Variants in GSTA2 observed in about 807,000 individuals in gnomAD.
The protein encoded by GSTA2 is glutathione S-transferase A2.
Under a neutral mutation model 22.4 loss-of-function variants are expected in GSTA2, and 27 were observed. That is an observed-to-expected ratio of 1.21 (90% CI 0.89 to 1.67). The LOEUF is 1.67. GSTA2 is among the 40% of genes most tolerant of loss of function. The pLI, the probability that GSTA2 is intolerant of heterozygous loss-of-function variation, is 0.00. For synonymous variants in GSTA2, 121 were observed against 86.8 expected, an observed-to-expected ratio of 1.39 and a Z score of -2.19; for missense variants, 302 against 260.2, an observed-to-expected ratio of 1.16 and a Z score of -1.11.
intron 5 of GSTA2, among the ~76,000 whole-genome samples, chr6:52,752,415 A>C (rs931178473): frequency 7.2e-5 from 11 of 152,172 alleles, no homozygotes; most frequent in African/African-American, 2.4e-4. Flanking sequence ...CTGATCCCTG[A>C]AACACTGCAA....
intron 1 of GSTA2, among the ~76,000 whole-genome samples, chr6:52,759,257 T>C (rs73740544): frequency 0.018 from 2,723 of 152,334 alleles, 85 homozygotes; most frequent in African/African-American, 0.061. Flanking sequence ...AGACTGGGCT[T>C]ATCAGTGAAA....
At position 52,754,974 on chromosome 6, in the gene GSTA2, G is replaced by C. The variant is rs749749908; in HGVS notation, c.241C>G (p.Leu81Val). ...TTCTCCTTTATGTCTTTCCCATAGA[G>C]GTTGTATTTGCTGGCAATGTAGTTG... Reference protein sequence around the residue: ...ILNYIASKYNLYGKDIKEKAL... With the variant: ...ILNYIASKYNVYGKDIKEKAL... The change falls in exon 4 of 7, where the codon CTC becomes GTC. Residue 81 changes from leucine (L) to valine (V), a missense_variant. Physicochemically the swap from Leu to Val is conservative, Grantham distance 32. Coordinates refer to ENST00000493422, the MANE Select transcript of GSTA2 (RefSeq NM_000846.5). 3 of 1,614,048 alleles carry C rather than the reference G, an allele frequency of 1.9e-6. No individual in the cohort carries two copies. The highest frequency in any genetic ancestry group is 1.7e-6 in the Non-Finnish European group (2 of 1,179,996).
At chr6:52,755,102 G>C (rs1285909439) in intron 3 of GSTA2, 27 bp from the exon 4 acceptor site, 1 of 1,613,504 alleles carries the variant, frequency 6.2e-7, no homozygotes, top group Non-Finnish European at 8.5e-7. Context: ...AAAAAGGAGA[G>C]TGAAGTGTCT....
chr6:52,759,951 C>T (rs1469135194), intron 1 of GSTA2, among the ~76,000 whole-genome samples: 1 of 152,120 alleles, frequency 6.6e-6, no homozygotes, highest in Non-Finnish European at 1.5e-5. Flanking sequence ...TAAATGTCTA[C>T]ATTTTAAAAT....
intron 4 of GSTA2, 57 bp downstream of exon 4, chr6:52,754,886 A>G: frequency 6.2e-7 from 1 of 1,608,140 alleles, no homozygotes; most frequent in Non-Finnish European, 8.5e-7. Flanking sequence ...CCACTCAAGG[A>G]AGGACCTAAA....
intron 1 of GSTA2, among the ~76,000 whole-genome samples, chr6:52,763,091 ACT>A (rs1491232326): frequency 6.6e-6 from 1 of 152,046 alleles, no homozygotes; most frequent in African/African-American, 2.4e-5. Flanking sequence ...TTGTGTGTTG[ACT>A]ATATATATAA....
chr6:52,750,787 C>T, intron 6 of GSTA2, 88 bp from the exon 7 acceptor site: 2 of 1,524,174 alleles, frequency 1.3e-6, no homozygotes, highest in Middle Eastern at 2.4e-4. Context: ...TGAGTCCCTC[C>T]TGCCAAAGAC....
chr6:52,753,130 C>G (rs988855222), intron 4 of GSTA2, 135 bp from the exon 5 acceptor site: 1 of 750,064 alleles, frequency 1.3e-6, no homozygotes, highest in African/African-American at 2.0e-5. Flanking sequence ...ATAGTCTAGT[C>G]ATTATGCTCT....
chr6:52,760,059 C>T lies in GSTA2; in HGVS notation c.-30-2082G>A, dbSNP rs1762927987. 2.0e-5 allele frequency among the ~76,000 whole-genome samples: 3 copies of T among 152,074 alleles called. 1 individual carries two copies. The South Asian group carries it at 6.2e-4, about 32-fold the overall frequency. ...TGTAATTAGATATTTTGACATTGTACTTTCTATGATAACTCCAGGAGTAAA... is the reference window on the plus strand; with the variant it reads ...TGTAATTAGATATTTTGACATTGTATTTTCTATGATAACTCCAGGAGTAAA... On this transcript the variant is annotated intron_variant, in intron 1 of 6. Coordinates refer to ENST00000493422, the MANE Select transcript of GSTA2 (RefSeq NM_000846.5).
chr6:52,761,331 G>A (rs112449747), intron 1 of GSTA2, among the ~76,000 whole-genome samples: 2,713 of 152,104 alleles, frequency 0.018, 90 homozygotes, highest in African/African-American at 0.061. Context: ...ACATGTATCT[G>A]TTTATAATCT....
At position 52,757,861 on chromosome 6, in the gene GSTA2, C is replaced by T. The variant is rs568358018; in HGVS notation, c.87G>A (p.Glu29=). The T allele has an allele frequency of 8.4e-5, 135 of 1,612,518 alleles. No homozygotes were observed. The highest frequency in any genetic ancestry group is 1.1e-4 in the Non-Finnish European group (130 of 1,178,614). The change falls in exon 2 of 7, where the codon GAG becomes GAA. Residue 29 remains glutamate (E), a splice_region_variant and synonymous_variant. Transcript: ENST00000493422. ...IRWLLAAAGV[E]FEEKFIKSAE... is the part of the protein sequence containing the mutation. ...TAAGATGACCTAACTCAGAACCTAC[C>T]TCTACTCCAGCTGCAGCCAGGAGCC... is the stretch of plus-strand genomic sequence containing the variant.
intron 1 of GSTA2, 87 bp downstream of exon 1, chr6:52,763,357 C>T (rs1024591259): frequency 6.3e-5 from 11 of 174,714 alleles, no homozygotes; most frequent in Non-Finnish European, 1.2e-4. Flanking sequence ...TTTTCTTGTG[C>T]TAAGGACACA....
At chr6:52,754,804 C>A (rs1479966197) in intron 4 of GSTA2, 139 bp downstream of exon 4, 2 of 1,093,372 alleles carry the variant, frequency 1.8e-6, no homozygotes. Flanking sequence ...TGGGACTCTG[C>A]AATACTGGAC....
At position 52,750,664 on chromosome 6, in the gene GSTA2, C is replaced by T. The variant is rs764538562; in HGVS notation, c.582G>A (p.Val194=). ...GGCTGCCAGGCTGTAGAAACTTCTTCACTGTGGGCAGGTTACTGATTCTGG... is the reference window on the plus strand; with the variant it reads ...GGCTGCCAGGCTGTAGAAACTTCTTTACTGTGGGCAGGTTACTGATTCTGG... The part of the protein sequence containing the change: ...LKTRISNLPT[V]KKFLQPGSPR... Residue 194 remains valine (V), a synonymous_variant, in exon 7 of 7, where the codon GTG becomes GTA. Transcript: ENST00000493422. The T allele has an allele frequency of 1.2e-6, 2 of 1,613,296 alleles. No individual in the cohort carries two copies. The highest frequency in any genetic ancestry group is 1.7e-6 in the Non-Finnish European group (2 of 1,179,800).
At chr6:52,753,402 G>C (rs1762781452) in intron 4 of GSTA2, among the ~76,000 whole-genome samples, 1 of 152,150 alleles carries the variant, frequency 6.6e-6, no homozygotes. Flanking sequence ...AATGGCCAAA[G>C]ACCTGCTTCC....
intron 1 of GSTA2, among the ~76,000 whole-genome samples, chr6:52,762,091 T>C (rs751027790): frequency 8.5e-5 from 13 of 152,260 alleles, no homozygotes; most frequent in Non-Finnish European, 1.8e-4. Context: ...CACTATTCAG[T>C]AATGTCAAGT....
intron 1 of GSTA2, among the ~76,000 whole-genome samples, chr6:52,758,297 C>T (rs2608625): frequency 0.75 from 113,787 of 152,102 alleles, 43,933 homozygotes; most frequent in African/African-American, 0.94. Context: ...CTAATATTTA[C>T]TGAAAACTTC....
chr6:52,754,449 C>G (rs1249042431), intron 4 of GSTA2, among the ~76,000 whole-genome samples: 2 of 152,190 alleles, frequency 1.3e-5, no homozygotes, highest in Non-Finnish European at 2.9e-5. Flanking sequence ...CCAGCCTCTA[C>G]TAGCCCTGCT....
intron 6 of GSTA2, 131 bp from the exon 7 acceptor site, chr6:52,750,830 A>C: frequency 9.7e-7 from 1 of 1,035,056 alleles, no homozygotes; most frequent in South Asian, 1.6e-5. Flanking sequence ...GTGAAGGCAG[A>C]AACAGACACC....
Sources: gnomAD v4.1 joint callset for allele counts (sites outside exome capture counted in the v4.1 genomes callset) on GRCh38, gnomAD v4.1.1 for gene constraint, MANE v1.5 for transcripts, NCBI Gene and HGNC (gene_info 2026-07-23, HGNC 2026-07-21) for gene names.